DLGAP1: variants seen among roughly 807,000 people sequenced by gnomAD.
DLGAP1 encodes DLG associated protein 1.
Under a neutral mutation model 90.8 loss-of-function variants are expected in DLGAP1, and 11 were observed. That is an observed-to-expected ratio of 0.12 (90% CI 0.08 to 0.20). The LOEUF (loss-of-function observed/expected upper bound fraction) is 0.20. Ranked by LOEUF, DLGAP1 falls within the 10% of genes least tolerant of loss-of-function variation. The pLI, the probability that DLGAP1 is intolerant of heterozygous loss-of-function variation, is 1.00. For missense variants in DLGAP1, 1,050 were observed against 1,333.8 expected (o/e 0.79, Z 3.31); for synonymous variants, 558 against 540.7 (o/e 1.03, Z -0.44).
chr18:3,830,026 G>A (rs2067943875), intron 4 of DLGAP1, among the ~76,000 whole-genome samples: 1 of 152,108 alleles, frequency 6.6e-6, no homozygotes, highest in Non-Finnish European at 1.5e-5. Context: ...GAGGAACTAT[G>A]GTTTGGGTCA....
intron 10 of DLGAP1, among the ~76,000 whole-genome samples, chr18:3,523,953 G>A (rs994273327): frequency 1.3e-5 from 2 of 151,968 alleles, no homozygotes; most frequent in African/African-American, 4.8e-5. Flanking sequence ...CAAAAGATCT[G>A]AACAGACATT....
intron 3 of DLGAP1, among the ~76,000 whole-genome samples, chr18:3,977,302 G>C (rs192346800): frequency 1.6e-4 from 24 of 152,186 alleles, no homozygotes; most frequent in African/African-American, 5.3e-4. Flanking sequence ...GAACTCCTGA[G>C]CTCCAGTGAT....
At chr18:4,357,090 CGTGTGTGTGTGTGT>C (rs5822808) in intron 1 of DLGAP1, among the ~76,000 whole-genome samples, 1 of 144,036 alleles carries the variant, frequency 6.9e-6, no homozygotes, top group African/African-American at 2.6e-5. Flanking sequence ...TATACGTGTG[CGTGTGTGTGTGTGT>C]GTGTGTGTAC....
At chr18:3,962,253 C>T (rs1033798795) in intron 3 of DLGAP1, 1 of 152,140 alleles carries the variant, frequency 6.6e-6, no homozygotes, top group African/African-American at 2.4e-5. Flanking sequence ...TCAGAAAGGA[C>T]GTCATCGGGT....
intron 4 of DLGAP1, among the ~76,000 whole-genome samples, chr18:3,873,363 T>C (rs1026079563): frequency 6.6e-6 from 1 of 152,126 alleles, no homozygotes; most frequent in Non-Finnish European, 1.5e-5. Context: ...GCAAACCCAA[T>C]AGGAAATCCA....
At chr18:3,943,126 G>T (rs1568311997) in intron 3 of DLGAP1, among the ~76,000 whole-genome samples, 1 of 151,876 alleles carries the variant, frequency 6.6e-6, no homozygotes, top group Non-Finnish European at 1.5e-5. Flanking sequence ...GTCTTTTCTG[G>T]TTATTTAGTT....
chr18:4,015,182 G>A (rs955002072), intron 2 of DLGAP1, among the ~76,000 whole-genome samples: 1 of 152,174 alleles, frequency 6.6e-6, no homozygotes, highest in Non-Finnish European at 1.5e-5. Context: ...GACTTACAGA[G>A]ATAATGGTGT....
intron 1 of DLGAP1, among the ~76,000 whole-genome samples, chr18:4,207,196 T>C (rs984055175): frequency 6.6e-6 from 1 of 152,162 alleles, no homozygotes; most frequent in Non-Finnish European, 1.5e-5. Context: ...CAGGTCAGCA[T>C]GGCTGTGGAG....
chr18:3,879,448 G>T lies in DLGAP1; in HGVS notation c.621C>A (p.Asn207Lys). 1 of 1,607,630 alleles carries T rather than the reference G, an allele frequency of 6.2e-7. No individual in the cohort carries two copies. Among genetic ancestry groups the T allele is most frequent in the Non-Finnish European group, 8.5e-7 (1 of 1,179,944 alleles). Residue 207 changes from asparagine (N) to lysine (K), a missense_variant, in exon 4 of 13, where the codon AAC (asparagine) becomes AAA (lysine). Transcript: ENST00000315677. This position sits in a 1 kb window ranked among gnomAD's most constrained non-coding sequence, Gnocchi z 6.6. Reference protein sequence around the residue: ...TSPGWWSSDDNLDGDMCIYHA... With the variant: ...TSPGWWSSDDKLDGDMCIYHA... ...GGTAGATGCACATGTCACCATCCAG[G>T]TTGTCGTCCGAGCTCCACCAGCCCG...
intron 2 of DLGAP1, among the ~76,000 whole-genome samples, chr18:4,098,308 T>G (rs140407747): frequency 9.8e-5 from 15 of 152,312 alleles, no homozygotes; most frequent in Non-Finnish European, 1.9e-4. Context: ...AGTATTTAAG[T>G]TACAAAATAT....
chr18:3,864,184 T>C (rs972524907), intron 4 of DLGAP1, among the ~76,000 whole-genome samples: 3 of 152,184 alleles, frequency 2.0e-5, no homozygotes, highest in African/African-American at 7.2e-5. Context: ...ATTATATGCT[T>C]GTGGACAGAA....
At chr18:3,748,907 A>C (rs546884491) in intron 5 of DLGAP1, among the ~76,000 whole-genome samples, 2 of 152,336 alleles carry the variant, frequency 1.3e-5, no homozygotes, top group African/African-American at 4.8e-5. Context: ...AACTTTCATT[A>C]AAGTTGTTTA....
chr18:3,802,745 C>G (rs751865841), intron 5 of DLGAP1, among the ~76,000 whole-genome samples: 2 of 152,104 alleles, frequency 1.3e-5, no homozygotes, highest in Admixed American at 6.5e-5. Context: ...GGAGACAGAG[C>G]CTTATAGCTC....
chr18:4,136,837 C>T (rs1160305968), intron 2 of DLGAP1, among the ~76,000 whole-genome samples: 1 of 152,088 alleles, frequency 6.6e-6, no homozygotes, highest in Non-Finnish European at 1.5e-5. Context: ...AGAGAGTTTC[C>T]CCAAGCTTTT....
At chr18:3,831,165 T>G (rs2068015665) in intron 4 of DLGAP1, among the ~76,000 whole-genome samples, 1 of 152,070 alleles carries the variant, frequency 6.6e-6, no homozygotes, top group Non-Finnish European at 1.5e-5. Context: ...CAGTTGGATG[T>G]TGCTGTGGAG....
chr18:3,737,717 A>G (rs1400709947), intron 6 of DLGAP1, among the ~76,000 whole-genome samples: 1 of 116,934 alleles, frequency 8.6e-6, no homozygotes, highest in Non-Finnish European at 1.7e-5. Flanking sequence ...CTGGCACAAG[A>G]CAGGGATGCC....
chr18:3,897,955 C>T (rs1056824874), intron 3 of DLGAP1, among the ~76,000 whole-genome samples: 17 of 151,184 alleles, frequency 1.1e-4, no homozygotes, highest in East Asian at 8.0e-4. Flanking sequence ...CCACCGCGCC[C>T]GGCTAATTTT....
At chr18:3,637,465 G>C (rs1388405610) in intron 7 of DLGAP1, among the ~76,000 whole-genome samples, 2 of 151,330 alleles carry the variant, frequency 1.3e-5, no homozygotes, top group African/African-American at 2.4e-5. Context: ...CAGGCGCAGT[G>C]CCTCACAACT....
At chr18:4,193,401 T>A (rs949423029) in intron 1 of DLGAP1, among the ~76,000 whole-genome samples, 1 of 152,060 alleles carries the variant, frequency 6.6e-6, no homozygotes. Flanking sequence ...CCCATCCAAA[T>A]AGAACGGCCT....
Sources: allele counts gnomAD v4.1 joint callset (sites outside exome capture counted in the v4.1 genomes callset), GRCh38; gene constraint gnomAD v4.1.1; non-coding constraint Gnocchi (gnomAD v3.1); transcripts MANE v1.5; gene names NCBI Gene and HGNC (gene_info 2026-07-23, HGNC 2026-07-21).